KIF1B: variants seen among roughly 807,000 people sequenced by gnomAD.
KIF1B encodes the protein kinesin-like protein KIF1B.
In KIF1B, 76 loss-of-function variants were observed where a neutral mutation model predicts 241.9. The observed-to-expected ratio is 0.31, with a 90% CI of 0.26 to 0.38. KIF1B has a LOEUF of 0.38. Ranked by LOEUF, KIF1B falls within the 10% of genes least tolerant of loss-of-function variation. The probability of loss-of-function intolerance (pLI) is 1.00; values close to 1 mark genes in which losing one functional copy is unlikely to be tolerated. For missense variants in KIF1B, 1,622 were observed against 2,271.4 expected, an observed-to-expected ratio of 0.71 and a Z score of 5.81; for synonymous variants, 750 against 796.7, an observed-to-expected ratio of 0.94 and a Z score of 0.99.
rs34063243 is a variant in KIF1B at position 10,232,301 on chromosome 1, C to CAT, written c.-16_-15dup. The CAT allele has an allele frequency of 2.4e-3, 3,451 of 1,429,268 alleles. 15 individuals are homozygous for CAT. The highest frequency in any genetic ancestry group is 0.017 in the African/African-American group (1,213 of 71,172). 88.5% of individuals were successfully genotyped at this position (1,429,268 alleles called of 1,614,324 possible). A position where few individuals can be genotyped will look rare whatever the true frequency, so the allele number is the denominator to read the frequency against. ...GATTTGATTCTTTATTTCTGGACTG[C>CAT]ATATATATATATAACAAGGCCATTA... is the stretch of plus-strand genomic sequence containing the variant. On this transcript the variant is annotated 5_prime_UTR_variant, in exon 2 of 49. Coordinates refer to ENST00000676179, the MANE Select transcript of KIF1B (RefSeq NM_001365951.3).
At chr1:10,310,115 C>T (rs888612944) in intron 22 of KIF1B, among the ~76,000 whole-genome samples, 6 of 151,624 alleles carry the variant, frequency 4.0e-5, no homozygotes, top group African/African-American at 1.5e-4. Context: ...AGAATGTAAA[C>T]TCACCTAGAA....
Position 10,376,741 on chromosome 1 carries a change from C to A in KIF1B, c.*154C>A. ...CCAGCACTTTTCTAGCTCTCCCGTT[C>A]CCCATCTCCATTGCTCTGTACTCTT... On this transcript the variant is annotated 3_prime_UTR_variant, in exon 49 of 49. Transcript: ENST00000676179. 1 of 758,066 alleles carries A rather than the reference C, an allele frequency of 1.3e-6. No individual in the cohort carries two copies. Among genetic ancestry groups the A allele is most frequent in the Non-Finnish European group, 2.3e-6 (1 of 428,634 alleles). The allele number at this position is 758,066 out of a possible 1,614,324, so 47.0% of individuals were successfully genotyped here.
Position 10,337,288 on chromosome 1 carries a change from A to C in KIF1B, c.3260-83A>C. ...ATTATCAAGGGACATAGTGGCCTTC[A>C]TCAACTAGGAATGGAAAGCATGCCC... On this transcript the variant is annotated intron_variant, in intron 30 of 48. Transcript: ENST00000676179. This position sits in a 1 kb window ranked among gnomAD's most constrained non-coding sequence, Gnocchi z 4.0. 1 of 1,612,312 alleles carries C rather than the reference A, an allele frequency of 6.2e-7. No individual in the cohort carries two copies. The highest frequency in any genetic ancestry group is 2.2e-5 in the East Asian group (1 of 44,878).
Position 10,374,997 on chromosome 1 carries a change from T to A in KIF1B, c.5240T>A (p.Leu1747Gln). ...KDPVERGIINLSTAQVEYSED... is the reference protein window; with the variant it reads ...KDPVERGIINQSTAQVEYSED... ...CCTGTGGAGCGTGGAATCATTAACC[T>A]GTCCACAGCACAGGTGGAGTACAGT... The change falls in exon 47 of 49, where the codon CTG becomes CAG. Residue 1747 changes from leucine to glutamine, a missense_variant. Physicochemically the swap from Leu to Gln is moderately radical, Grantham distance 113. Around this residue, in one of 7 missense-constraint regions of KIF1B, gnomAD observed 357 missense variants for 409.0 expected, o/e 0.87. Transcript: ENST00000676179. The surrounding 1 kb of genome is among the most constrained non-coding windows in gnomAD (Gnocchi z 4.3). The A allele has an allele frequency of 6.2e-7, 1 of 1,614,198 alleles. No individual in the cohort carries two copies. The highest frequency in any genetic ancestry group is 8.5e-7 in the Non-Finnish European group (1 of 1,180,028).
chr1:10,221,239 A>G (rs1646841460), intron 1 of KIF1B, among the ~76,000 whole-genome samples: 1 of 151,636 alleles, frequency 6.6e-6, no homozygotes, highest in Non-Finnish European at 1.5e-5. Flanking sequence ...CTGGGATTAC[A>G]GGCATGTGCC....
At chr1:10,321,624 T>A in intron 23 of KIF1B, 85 bp from the exon 24 acceptor site, 1 of 1,426,138 alleles carries the variant, frequency 7.0e-7, no homozygotes, top group Non-Finnish European at 9.9e-7. Context: ...CACCTCACCT[T>A]GGTAAAAGAG....
At chr1:10,260,927 T>C (rs926491510) in intron 4 of KIF1B, among the ~76,000 whole-genome samples, 42 of 151,852 alleles carry the variant, frequency 2.8e-4, no homozygotes, top group African/African-American at 1.0e-3. Flanking sequence ...ATATTTTCTT[T>C]CTTCATATCT....
rs1638405299 is a variant in KIF1B, at chr1:10,360,929, G to A, written c.4056G>A (p.Arg1352=). The A allele has an allele frequency of 6.2e-7, 1 of 1,607,494 alleles. No individual in the cohort carries two copies. Among genetic ancestry groups the A allele is most frequent in the African/African-American group, 1.3e-5 (1 of 74,834 alleles). Residue 1352 remains arginine, a splice_region_variant and synonymous_variant, in exon 39 of 49, where the codon AGG becomes AGA. Transcript: ENST00000676179. The stretch of plus-strand genomic sequence containing the variant: ...TTCCCTCTTGTCTTTCTGACCTTAG[G>A]ACCTTCTACCGCTTTGAGGCTGTGT... The part of the protein sequence containing the change: ...KYLKSSHNSS[R]TFYRFEAVWD...
chr1:10,351,755 C>T (rs1652801074), intron 37 of KIF1B, among the ~76,000 whole-genome samples: 1 of 152,144 alleles, frequency 6.6e-6, no homozygotes, highest in Admixed American at 6.6e-5. Flanking sequence ...CGTTTGAGCT[C>T]AGGAGTTCGA....
chr1:10,270,429 T>C lies in KIF1B; in HGVS notation c.721-1073T>C, dbSNP rs1346615966. On this transcript the variant is annotated intron_variant, in intron 7 of 48. Coordinates refer to ENST00000676179, the MANE Select transcript of KIF1B (RefSeq NM_001365951.3). ...TGTGTTTATCAATAGTTCCTTTTCATTGTTGATGAGTATTGCGTTATACAG... is the reference window on the plus strand; with the variant it reads ...TGTGTTTATCAATAGTTCCTTTTCACTGTTGATGAGTATTGCGTTATACAG... 2.0e-5 allele frequency among the ~76,000 whole-genome samples: 3 copies of C among 152,244 alleles called. No homozygotes were observed. The South Asian group carries it at 6.2e-4, about 32-fold the overall frequency.
intron 8 of KIF1B, among the ~76,000 whole-genome samples, chr1:10,271,849 C>T (rs1339858925): frequency 1.3e-5 from 2 of 152,138 alleles, no homozygotes; most frequent in African/African-American, 2.4e-5. Flanking sequence ...TTAGGGAGCA[C>T]ATCATAGTCA....
intron 2 of KIF1B, among the ~76,000 whole-genome samples, chr1:10,233,249 A>G (rs1239865082): frequency 6.6e-6 from 1 of 152,210 alleles, no homozygotes; most frequent in East Asian, 1.9e-4. Flanking sequence ...TTCACATACA[A>G]CTTTGAATGC....
chr1:10,328,850 A>T (rs1255786163), intron 27 of KIF1B, among the ~76,000 whole-genome samples: 2 of 152,244 alleles, frequency 1.3e-5, no homozygotes, highest in Non-Finnish European at 2.9e-5. Flanking sequence ...GTGTAAAGTG[A>T]ATAACAGGTA....
intron 22 of KIF1B, chr1:10,305,252 TTCTTTTATTCTGTATTTTACAAAAAAC>T: frequency 9.6e-7 from 1 of 1,042,186 alleles, no homozygotes; most frequent in Non-Finnish European, 1.2e-6. Context: ...CTTCCACGTC[TTCTTTTATTCTGTATTTTACAAAAAAC>T]TCATATAATG....
At chr1:10,290,631 G>A (rs1292913527) in intron 15 of KIF1B, among the ~76,000 whole-genome samples, 1 of 151,932 alleles carries the variant, frequency 6.6e-6, no homozygotes, top group Admixed American at 6.6e-5. Context: ...ACAGGCGCCT[G>A]CCACCATGCC....
chr1:10,235,788 G>C (rs1647041984), intron 2 of KIF1B, among the ~76,000 whole-genome samples: 1 of 151,124 alleles, frequency 6.6e-6, no homozygotes. Flanking sequence ...CTTGAACCCG[G>C]GAGGTGGAGG....
chr1:10,297,298 T>A, intron 22 of KIF1B, 52 bp downstream of exon 22: 1 of 1,503,890 alleles, frequency 6.6e-7, no homozygotes, highest in Non-Finnish European at 9.2e-7. Flanking sequence ...CTTGTTCCCA[T>A]ACTTTCCCTG....
chr1:10,253,638 G>A (rs1362164641), intron 2 of KIF1B, among the ~76,000 whole-genome samples: 1 of 152,018 alleles, frequency 6.6e-6, no homozygotes, highest in Non-Finnish European at 1.5e-5. Flanking sequence ...GTTAGATCCT[G>A]TCTCAGGAAA....
intron 22 of KIF1B, chr1:10,304,361 C>T (rs150769714): frequency 8.1e-6 from 13 of 1,614,056 alleles, no homozygotes; most frequent in Middle Eastern, 1.6e-4. Flanking sequence ...AATGGCCAGC[C>T]GAAAAGTACG....
Sources: gnomAD v4.1 joint callset for allele counts (sites outside exome capture counted in the v4.1 genomes callset) on GRCh38, gnomAD v4.1.1 for gene constraint, gnomAD v4.1.1 regional missense constraint, Gnocchi (gnomAD v3.1) non-coding constraint, MANE v1.5 for transcripts, NCBI Gene and HGNC (gene_info 2026-07-23, HGNC 2026-07-21) for gene names.